Variants in MEF2A observed in about 807,000 individuals in gnomAD.
MEF2A encodes the protein myocyte-specific enhancer factor 2A.
In MEF2A, 28 loss-of-function variants were observed where a neutral mutation model predicts 55.8. That is an observed-to-expected ratio of 0.50 (90% confidence interval 0.37 to 0.69). The LOEUF is 0.69. Ranked by LOEUF, MEF2A falls within the 30% of genes least tolerant of loss-of-function variation. The pLI is 0.00. For missense variants in MEF2A, 528 were observed against 626.2 expected (o/e 0.84, Z 1.67); for synonymous variants, 239 against 227.1 (o/e 1.05, Z -0.47).
At chr15:99,655,061 T>G (rs2047479691) in intron 4 of MEF2A, among the ~76,000 whole-genome samples, 1 of 152,048 alleles carries the variant, frequency 6.6e-6, no homozygotes, top group Admixed American at 6.6e-5. Flanking sequence ...AACACAGTGG[T>G]AGAGAAAGGA....
At chr15:99,678,255 T>G (rs2052509833) in intron 7 of MEF2A, among the ~76,000 whole-genome samples, 1 of 152,330 alleles carries the variant, frequency 6.6e-6, no homozygotes, top group East Asian at 1.9e-4. Flanking sequence ...CTAGCCAGAT[T>G]GTTTTGTTAC....
chr15:99,703,854 C>G (rs2057718965), intron 9 of MEF2A, among the ~76,000 whole-genome samples: 1 of 152,132 alleles, frequency 6.6e-6, no homozygotes, highest in Admixed American at 6.5e-5. Context: ...CATGATACAG[C>G]CTGAACCACA....
chr15:99,680,214 A>G (rs991514373), intron 7 of MEF2A, among the ~76,000 whole-genome samples: 102 of 152,332 alleles, frequency 6.7e-4, no homozygotes, highest in African/African-American at 2.3e-3. Flanking sequence ...CAAGCAACAG[A>G]TAGGGGAATG....
chr15:99,653,862 T>A (rs2047250744), intron 4 of MEF2A, among the ~76,000 whole-genome samples: 1 of 152,160 alleles, frequency 6.6e-6, no homozygotes, highest in Admixed American at 6.5e-5. Context: ...AATTTTCTTT[T>A]CAAATATCTG....
intron 1 of MEF2A, among the ~76,000 whole-genome samples, chr15:99,577,249 T>G (rs552290706): frequency 3.9e-5 from 6 of 152,370 alleles, no homozygotes; most frequent in African/African-American, 1.4e-4. Flanking sequence ...GTTATTGAGT[T>G]CAAATTCTTT....
In MEF2A at chr15:99,584,712, G is replaced by A. The variant is rs368622357; in HGVS notation, c.-224-13718G>A. Among the ~76,000 whole-genome samples the A allele has an allele frequency of 9.8e-4, 149 of 152,274 alleles. 6 individuals carry two copies. The highest frequency in any genetic ancestry group is 6.2e-4 in the South Asian group (3 of 4,830). On this transcript the variant is annotated intron_variant, in intron 1 of 11. Coordinates refer to ENST00000557942, the MANE Select transcript of MEF2A (RefSeq NM_001319206.4). ...GGGGTAGGCATAGGGAATGGGGAGT[G>A]AGTCCTAATTAGTACTGGGGTTCTT...
chr15:99,660,778 G>C (rs1160486389), intron 4 of MEF2A, among the ~76,000 whole-genome samples: 1 of 152,154 alleles, frequency 6.6e-6, no homozygotes, highest in African/African-American at 2.4e-5. Context: ...TATCCTAGTA[G>C]AGTTATACCA....
Position 99,690,297 on chromosome 15 carries a change from A to C in MEF2A, c.727A>C (p.Asn243His), listed in dbSNP as rs750276293. ...AAATTTGATTGGAGCTACTGGTGCA[A>C]ATAGCTTAGGCAAAGTCATGCCTAC... ...SPNLIGATGA[N>H]SLGKVMPTKS... Residue 243 changes from asparagine (N) to histidine (H), a missense_variant, in exon 8 of 12, where the codon AAT becomes CAT. Transcript: ENST00000557942. The C allele has an allele frequency of 1.2e-6, 2 of 1,613,672 alleles. No homozygotes were observed. Among genetic ancestry groups the C allele is most frequent in the Non-Finnish European group, 1.7e-6 (2 of 1,179,830 alleles).
At chr15:99,658,439 A>G (rs1488819066) in intron 4 of MEF2A, among the ~76,000 whole-genome samples, 1 of 152,194 alleles carries the variant, frequency 6.6e-6, no homozygotes, top group Non-Finnish European at 1.5e-5. Context: ...AAGGAGGATC[A>G]TGTTTAGAAG....
At chr15:99,587,417 T>C (rs1431532502) in intron 1 of MEF2A, among the ~76,000 whole-genome samples, 5 of 152,230 alleles carry the variant, frequency 3.3e-5, no homozygotes, top group Non-Finnish European at 7.3e-5. Context: ...CCTTTGTTTC[T>C]TTTAAAAATT....
intron 1 of MEF2A, among the ~76,000 whole-genome samples, chr15:99,584,939 G>A (rs1966848137): frequency 1.3e-5 from 2 of 152,226 alleles, no homozygotes; most frequent in East Asian, 3.9e-4. Flanking sequence ...GTAGTTGAGT[G>A]GATGTAGATG....
intron 8 of MEF2A, among the ~76,000 whole-genome samples, chr15:99,698,800 AAAAC>A (rs1219099303): frequency 6.6e-6 from 1 of 152,124 alleles, no homozygotes; most frequent in Non-Finnish European, 1.5e-5. Context: ...CTCAAAAAAA[AAAAC>A]AAAAACGCAA....
chr15:99,644,739 CA>C (rs879637833), intron 3 of MEF2A, among the ~76,000 whole-genome samples: 7 of 152,206 alleles, frequency 4.6e-5, no homozygotes, highest in Non-Finnish European at 8.8e-5. Context: ...TTCACAACAG[CA>C]TTGAGCAGAA....
intron 8 of MEF2A, among the ~76,000 whole-genome samples, chr15:99,696,312 T>G (rs2056474579): frequency 6.6e-6 from 1 of 152,174 alleles, no homozygotes; most frequent in South Asian, 2.1e-4. Flanking sequence ...ACACACACTT[T>G]TCACAAGTGC....
chr15:99,660,069 A>G (rs944639269), intron 4 of MEF2A, among the ~76,000 whole-genome samples: 3 of 152,226 alleles, frequency 2.0e-5, no homozygotes, highest in Admixed American at 2.0e-4. Context: ...AATTAGCCTA[A>G]CTTTGATAGC....
At chr15:99,596,075 A>G (rs1971072472) in intron 1 of MEF2A, among the ~76,000 whole-genome samples, 1 of 152,216 alleles carries the variant, frequency 6.6e-6, no homozygotes, top group African/African-American at 2.4e-5. Flanking sequence ...TAAAATAACT[A>G]TAAAAACTTG....
chr15:99,676,245 A>G (rs2051997356), intron 7 of MEF2A, among the ~76,000 whole-genome samples: 1 of 152,220 alleles, frequency 6.6e-6, no homozygotes, highest in African/African-American at 2.4e-5. Flanking sequence ...CTTACTTAAC[A>G]GAAAACAATT....
intron 2 of MEF2A, among the ~76,000 whole-genome samples, chr15:99,618,482 G>A (rs72760525): frequency 0.029 from 4,433 of 152,214 alleles, 81 homozygotes; most frequent in Middle Eastern, 0.085. Flanking sequence ...ATTATGGCCT[G>A]CGCTTTAAAG....
chr15:99,667,470 G>A (rs1363860907), intron 4 of MEF2A, among the ~76,000 whole-genome samples: 2 of 151,978 alleles, frequency 1.3e-5, no homozygotes, highest in African/African-American at 2.4e-5. Context: ...TGATCCGCCC[G>A]CCTCGGCCTC....
Sources: allele counts gnomAD v4.1 joint callset (sites outside exome capture counted in the v4.1 genomes callset), GRCh38; gene constraint gnomAD v4.1.1; transcripts MANE v1.5; gene names NCBI Gene and HGNC (gene_info 2026-07-23, HGNC 2026-07-21).